The following TAF1 variants were observed in gnomAD, a reference collection of about 807,000 sequenced individuals.
TAF1 encodes the protein TATA-box binding protein associated factor 1, also known as transcription initiation factor TFIID subunit 1.
In TAF1, 2 loss-of-function variants were observed where a neutral mutation model predicts 138.5. The ratio of observed to expected loss-of-function variants is 0.01; its 90% CI spans 0.01 to 0.05. The LOEUF is 0.05. TAF1 is among the 10% of genes least tolerant of loss of function. TAF1 has a pLI of 1.00. For missense variants in TAF1, 709 were observed against 1,478.0 expected, an observed-to-expected ratio of 0.48 and a Z score of 8.53; for synonymous variants, 437 against 503.2, an observed-to-expected ratio of 0.87 and a Z score of 1.76.
At chrX:71,524,751 G>A (rs182718297) in intron 13 of TAF1, among the ~76,000 whole-genome samples, 49 of 109,451 alleles carry the variant, frequency 4.5e-4, no homozygotes, top group South Asian at 1.6e-3. Flanking sequence ...GACCAGCCTG[G>A]CCAACATGGT....
intron 28 of TAF1, chrX:71,420,497 C>T: frequency 8.3e-7 from 1 of 1,201,186 alleles, no homozygotes; most frequent in Non-Finnish European, 1.1e-6. Context: ...GGGCATCGGC[C>T]TCCATCTTCT....
intron 28 of TAF1, among the ~76,000 whole-genome samples, chrX:71,418,216 G>C (rs769537264): frequency 4.5e-5 from 5 of 111,639 alleles, no homozygotes; most frequent in Admixed American, 9.5e-5. Context: ...GTGTCAGCCT[G>C]CCGAGTAGCT....
chrX:71,370,159 A>T (rs1477258804), intron 3 of TAF1, among the ~76,000 whole-genome samples: 1 of 111,926 alleles, frequency 8.9e-6, no homozygotes, highest in African/African-American at 3.2e-5. Flanking sequence ...CAGGAGGGGC[A>T]GGTTGCAGTG....
chrX:71,462,164 A>G (rs754625824), intron 37 of TAF1, among the ~76,000 whole-genome samples: 26 of 112,204 alleles, frequency 2.3e-4, no homozygotes, highest in African/African-American at 8.4e-4. Flanking sequence ...CGGTCATTGA[A>G]TGAGAATAGT....
chrX:71,504,536 G>A (rs1227644610), intron 13 of TAF1, among the ~76,000 whole-genome samples: 1 of 108,464 alleles, frequency 9.2e-6, no homozygotes, highest in East Asian at 2.9e-4. Context: ...CCACCCTATT[G>A]TTGCTTAATT....
At chrX:71,469,732 G>A (rs890831109), downstream of TAF1, among the ~76,000 whole-genome samples, 25 of 109,820 alleles carry the variant, frequency 2.3e-4, no homozygotes, top group African/African-American at 7.6e-4. Context: ...ACGGAGTTTC[G>A]CTCTTGTTGT....
At chrX:71,375,075 CAA>C (rs377394790) in intron 3 of TAF1, 90 bp from the exon 4 acceptor site, 4,612 of 878,143 alleles carry the variant, frequency 5.3e-3, no homozygotes, top group Admixed American at 0.01. Context: ...GACTCTGTCT[CAA>C]AAAAAAAAAA....
At chrX:71,463,518 T>A (rs2038639071) in intron 37 of TAF1, among the ~76,000 whole-genome samples, 1 of 111,582 alleles carries the variant, frequency 9.0e-6, no homozygotes, top group South Asian at 3.8e-4. Context: ...ATTGACTAAT[T>A]GGATACTGTA....
rs748191235 is a variant in TAF1 at position 71,366,357 on chromosome X, A to G, written c.-18A>G. 3.3e-6 allele frequency: 4 copies of G among 1,210,541 alleles called. No homozygotes were observed. Among genetic ancestry groups the G allele is most frequent in the Admixed American group, 4.4e-5 (2 of 45,900 alleles). On this transcript the variant is annotated 5_prime_UTR_variant, in exon 1 of 38. Transcript: ENST00000423759. ...TTTGCTGCTGCGGACAGCAGCTACC[A>G]TCACTGCTGCCGCCATCATGTCAGA...
intron 34 of TAF1, among the ~76,000 whole-genome samples, chrX:71,457,317 G>A (rs1442742700): frequency 1.8e-5 from 2 of 112,748 alleles, no homozygotes; most frequent in Admixed American, 9.4e-5. Flanking sequence ...GTTACCTCTT[G>A]TAATCACTTC....
At chrX:71,510,996 G>C (rs1360635011) in intron 13 of TAF1, among the ~76,000 whole-genome samples, 1 of 111,105 alleles carries the variant, frequency 9.0e-6, no homozygotes, top group Non-Finnish European at 1.9e-5. Context: ...CCAGCTACTT[G>C]GGAGGCTGAG....
At chrX:71,474,721 G>A (rs762782056) in intron 13 of TAF1, among the ~76,000 whole-genome samples, 1 of 111,947 alleles carries the variant, frequency 8.9e-6, no homozygotes, top group Admixed American at 9.6e-5. Flanking sequence ...AGAAGGTGAT[G>A]CATTGAAGTA....
At chrX:71,429,570 C>T (rs114275597) in intron 32 of TAF1, among the ~76,000 whole-genome samples, 393 of 110,349 alleles carry the variant, frequency 3.6e-3, no homozygotes, top group African/African-American at 0.013. Flanking sequence ...AATCATGAAA[C>T]GCCTAGTATG....
At chrX:71,502,723 C>T (rs1320467537) in intron 13 of TAF1, among the ~76,000 whole-genome samples, 2 of 110,633 alleles carry the variant, frequency 1.8e-5, no homozygotes, top group African/African-American at 6.6e-5. Context: ...AGATCTCCTG[C>T]GGCCAGGAGT....
intron 2 of TAF1, 88 bp downstream of exon 2, chrX:71,367,701 C>T (rs931033631): frequency 2.4e-4 from 244 of 1,032,233 alleles, no homozygotes; most frequent in Non-Finnish European, 2.8e-4. Context: ...GACGGAGTTT[C>T]GCTCTGTCTC....
intron 18 of TAF1, among the ~76,000 whole-genome samples, chrX:71,392,254 T>C (rs887602841): frequency 8.9e-6 from 1 of 111,744 alleles, no homozygotes; most frequent in Non-Finnish European, 1.9e-5. Context: ...AGAATGTTTA[T>C]TGAAGCCCAA....
chrX:71,377,572 C>G, intron 5 of TAF1, 31 bp from the exon 6 acceptor site: 4 of 1,192,762 alleles, frequency 3.4e-6, no homozygotes, highest in Middle Eastern at 2.3e-4. Context: ...GACTTTGAGT[C>G]TGTGTCATAG....
At chrX:71,528,373 G>T (rs2040037155) in intron 13 of TAF1, 2 of 259,065 alleles carry the variant, frequency 7.7e-6, no homozygotes, top group East Asian at 1.0e-4. Flanking sequence ...GGACAGTCAG[G>T]ATTAGAATTC....
intron 13 of TAF1, among the ~76,000 whole-genome samples, chrX:71,488,405 A>G (rs1157703792): frequency 3.7e-5 from 4 of 108,150 alleles, no homozygotes; most frequent in African/African-American, 6.7e-5. Context: ...CACCACACCC[A>G]GATCATTTTT....
Sources: allele counts gnomAD v4.1 joint callset (sites outside exome capture counted in the v4.1 genomes callset), GRCh38; gene constraint gnomAD v4.1.1; transcripts MANE v1.5; gene names NCBI Gene and HGNC (gene_info 2026-07-23, HGNC 2026-07-21).